The following DYNC2H1 variants were observed in gnomAD, a reference collection of about 807,000 sequenced individuals.
DYNC2H1 encodes dynein cytoplasmic 2 heavy chain 1.
Under a neutral mutation model 570.0 loss-of-function variants are expected in DYNC2H1, and 410 were observed. The ratio of observed to expected loss-of-function variants is 0.72; its 90% confidence interval spans 0.66 to 0.78. DYNC2H1 has a LOEUF of 0.78. Among genes scored for constraint, DYNC2H1 ranks in the 30% least tolerant of loss-of-function variants. The probability of loss-of-function intolerance (pLI) is 0.00; values close to 1 mark genes in which losing one functional copy is unlikely to be tolerated. For missense variants in DYNC2H1, 4,865 were observed against 5,046.4 expected (o/e 0.96, Z 1.09); for synonymous variants, 1,688 against 1,677.6 (o/e 1.01, Z -0.15).
chr11:103,204,260 G>T lies in DYNC2H1; in HGVS notation c.8311+484G>T, dbSNP rs1363491875. On this transcript the variant is annotated intron_variant, in intron 51 of 88. Transcript: ENST00000375735. This position sits in a 1 kb window ranked among gnomAD's most constrained non-coding sequence, Gnocchi z 4.1. Reference sequence around the variant, plus strand: ...ACCAGGTTCCTCCCGCAACACGTGGGGATTATGGGAGCTACAAAATGAGAT... The same window carrying T: ...ACCAGGTTCCTCCCGCAACACGTGGTGATTATGGGAGCTACAAAATGAGAT... 6.6e-6 allele frequency among the ~76,000 whole-genome samples: 1 copy of T among 152,084 alleles called. No homozygotes were observed. Among genetic ancestry groups the T allele is most frequent in the African/African-American group, 2.4e-5 (1 of 41,410 alleles).
chr11:103,130,888 G>A (rs1859234363), intron 13 of DYNC2H1, among the ~76,000 whole-genome samples: 2 of 152,138 alleles, frequency 1.3e-5, no homozygotes, highest in South Asian at 4.1e-4. Context: ...AACTAGCATA[G>A]GTGTAGAGAG....
In DYNC2H1 at chr11:103,304,603, G is replaced by T; in HGVS notation, c.11265G>T (p.Met3755Ile). 1 of 1,609,562 alleles carries T rather than the reference G, an allele frequency of 6.2e-7. No individual in the cohort carries two copies. The highest frequency in any genetic ancestry group is 8.5e-7 in the Non-Finnish European group (1 of 1,177,390). The change falls in exon 77 of 89, where the codon ATG (methionine) becomes ATT (isoleucine). Residue 3755 changes from methionine to isoleucine, a missense_variant. By Grantham distance (10) the Met-to-Ile change is conservative. Coordinates refer to ENST00000375735, the MANE Select transcript of DYNC2H1 (RefSeq NM_001377.3). ...TTTTTTTGCTTTTGTAGGTTGCCAT[G>T]GGTCAAGGTCAAGCTGATTTAGCAA... Reference protein sequence around the residue: ...RSGECYHQVAMGQGQADLAIQ... With the variant: ...RSGECYHQVAIGQGQADLAIQ...
In DYNC2H1 at chr11:103,316,523, TAAA is replaced by T. The variant is rs760869137; in HGVS notation, c.11650-17_11650-15del. 20 of 1,522,582 alleles carry T rather than the reference TAAA, an allele frequency of 1.3e-5. 1 individual carries two copies. In the South Asian group the frequency reaches 1.6e-4, roughly 12 times the overall value. The allele number at this position is 1,522,582 out of a possible 1,614,324, so 94.3% of individuals were successfully genotyped here. A position where few individuals can be genotyped will look rare whatever the true frequency, so the allele number is the denominator to read the frequency against. ...TTTGACTACTGCTTAGTTGTTTACT[TAAA>T]AAAATTGTTTTTTGACAGGGTTGGA... On this transcript the variant is annotated intron_variant, in intron 79 of 88. Transcript: ENST00000375735.
chr11:103,362,447 TC>T (rs997503260), intron 83 of DYNC2H1, among the ~76,000 whole-genome samples: 14 of 151,716 alleles, frequency 9.2e-5, no homozygotes, highest in Admixed American at 4.6e-4. Flanking sequence ...CATATAGAAT[TC>T]CATTGTTTCA....
At chr11:103,451,045 A>G (rs906204975) in intron 85 of DYNC2H1, among the ~76,000 whole-genome samples, 4 of 152,146 alleles carry the variant, frequency 2.6e-5, no homozygotes, top group African/African-American at 9.7e-5. Flanking sequence ...GTGATATGCC[A>G]TAATTTAATC....
intron 83 of DYNC2H1, among the ~76,000 whole-genome samples, chr11:103,393,810 G>A (rs188076877): frequency 1.3e-5 from 2 of 152,342 alleles, no homozygotes; most frequent in Non-Finnish European, 2.9e-5. Flanking sequence ...AGTCATGGCG[G>A]AAGGCGAGGA....
At position 103,439,570 on chromosome 11, in the gene DYNC2H1, G is replaced by A. The variant is rs1944188254; in HGVS notation, c.12456+3538G>A. Among the ~76,000 whole-genome samples the A allele has an allele frequency of 6.6e-6, 1 of 152,004 alleles. No individual in the cohort carries two copies. The highest frequency in any genetic ancestry group is 2.4e-5 in the African/African-American group (1 of 41,388). On this transcript the variant is annotated intron_variant, in intron 85 of 88. Coordinates refer to ENST00000375735, the MANE Select transcript of DYNC2H1 (RefSeq NM_001377.3). This position sits in a 1 kb window ranked among gnomAD's most constrained non-coding sequence, Gnocchi z 4.1. ...GACTGTTTTAGCTGCAGTATGGAGAGAGTCTTAGTCTACTTTGTGGCAAAA... is the reference window on the plus strand; with the variant it reads ...GACTGTTTTAGCTGCAGTATGGAGAAAGTCTTAGTCTACTTTGTGGCAAAA...
At position 103,393,075 on chromosome 11, in the gene DYNC2H1, G is replaced by T. The variant is rs548879791; in HGVS notation, c.12157-6588G>T. Among the ~76,000 whole-genome samples, 22 of 152,000 alleles carry T rather than the reference G, an allele frequency of 1.4e-4. No homozygotes were observed. The South Asian group carries it at 4.6e-3, about 32-fold the overall frequency. On this transcript the variant is annotated intron_variant, in intron 83 of 88. Coordinates refer to ENST00000375735, the MANE Select transcript of DYNC2H1 (RefSeq NM_001377.3). ...ATTTTTGTGTTTTTAGTAGAGACGG[G>T]GTTTCACCATGTTGGCCAGGCTGCT...
Position 103,241,573 on chromosome 11 carries a change from T to C in DYNC2H1, c.9820-2120T>C. The C allele has an allele frequency of 6.5e-7, 1 of 1,548,524 alleles. No individual in the cohort carries two copies. The highest frequency in any genetic ancestry group is 8.8e-7 in the Non-Finnish European group (1 of 1,131,636). ...GTAAGAACTTTTTAAAAATTTAAAA[T>C]AATTACTTTTGTAGTTAGGCAAAAT... On this transcript the variant is annotated intron_variant, in intron 63 of 88. Transcript: ENST00000375735. This position sits in a 1 kb window ranked among gnomAD's most constrained non-coding sequence, Gnocchi z 5.1.
At chr11:103,417,107 G>A (rs932528463) in intron 84 of DYNC2H1, among the ~76,000 whole-genome samples, 24 of 152,018 alleles carry the variant, frequency 1.6e-4, no homozygotes, top group African/African-American at 5.6e-4. Flanking sequence ...GAATGATGGA[G>A]TCTTTCTTTG....
At chr11:103,328,260 T>C (rs1470944088) in intron 82 of DYNC2H1, among the ~76,000 whole-genome samples, 3 of 152,234 alleles carry the variant, frequency 2.0e-5, no homozygotes, top group Non-Finnish European at 4.4e-5. Context: ...GCTTATTTAC[T>C]TGAGTACTTA....
chr11:103,298,501 A>G (rs1334273662), intron 75 of DYNC2H1, among the ~76,000 whole-genome samples: 3 of 152,148 alleles, frequency 2.0e-5, no homozygotes, highest in African/African-American at 7.2e-5. Flanking sequence ...GGCATTAATT[A>G]AAAACCTCAT....
intron 84 of DYNC2H1, among the ~76,000 whole-genome samples, chr11:103,412,904 C>A (rs1943140803): frequency 6.6e-6 from 1 of 152,146 alleles, no homozygotes; most frequent in African/African-American, 2.4e-5. Context: ...CTTTCCTCTA[C>A]CATGGCCCTC....
rs1443248338 is a variant in DYNC2H1 at position 103,465,806 on chromosome 11, G to A, written c.12649-2783G>A. On this transcript the variant is annotated intron_variant, in intron 87 of 88. Coordinates refer to ENST00000375735, the MANE Select transcript of DYNC2H1 (RefSeq NM_001377.3). The surrounding 1 kb of genome is among the most constrained non-coding windows in gnomAD (Gnocchi z 4.9). ...TTCCTTATATGGTGGTTTCAGTGCA[G>A]CATTTCTAGAAGGCAGAGCCTTTTA... 6.6e-6 allele frequency among the ~76,000 whole-genome samples: 1 copy of A among 152,128 alleles called. No individual in the cohort carries two copies. Among genetic ancestry groups the A allele is most frequent in the East Asian group, 1.9e-4 (1 of 5,192 alleles).
At chr11:103,251,212 A>T (rs1009550788) in intron 65 of DYNC2H1, among the ~76,000 whole-genome samples, 1 of 152,110 alleles carries the variant, frequency 6.6e-6, no homozygotes, top group African/African-American at 2.4e-5. Context: ...TATTAGATGC[A>T]TACATTTTTG....
In DYNC2H1 at chr11:103,446,243, A is replaced by G. The variant is rs557592931; in HGVS notation, c.12457-8943A>G. On this transcript the variant is annotated intron_variant, in intron 85 of 88. Coordinates refer to ENST00000375735, the MANE Select transcript of DYNC2H1 (RefSeq NM_001377.3). The surrounding 1 kb of genome is among the most constrained non-coding windows in gnomAD (Gnocchi z 4.5). ...GCATATCAACATAGTGTTTAAAACC[A>G]TAGGAATGGCCAAGTATCTGGCACT... Among the ~76,000 whole-genome samples the G allele has an allele frequency of 4.4e-4, 67 of 152,326 alleles. No individual in the cohort carries two copies. The highest frequency in any genetic ancestry group is 1.6e-3 in the African/African-American group (65 of 41,570).
chr11:103,250,794 A>G (rs896672037), intron 65 of DYNC2H1, among the ~76,000 whole-genome samples: 3 of 151,240 alleles, frequency 2.0e-5, no homozygotes, highest in Admixed American at 6.6e-5. Flanking sequence ...TTCAACTTAT[A>G]AATTCCTTAG....
rs1037925093 is a variant in DYNC2H1, at chr11:103,395,179, T to C, written c.12157-4484T>C. ...CATTAATCAGTTATGACATTTTAGA[T>C]TGCAAGTAATTGGAAAACTCAGCTC... is the stretch of plus-strand genomic sequence containing the variant. On this transcript the variant is annotated intron_variant, in intron 83 of 88. Coordinates refer to ENST00000375735, the MANE Select transcript of DYNC2H1 (RefSeq NM_001377.3). The surrounding 1 kb of genome is among the most constrained non-coding windows in gnomAD (Gnocchi z 4.3). Among the ~76,000 whole-genome samples, 4 of 152,104 alleles carry C rather than the reference T, an allele frequency of 2.6e-5. No homozygotes were observed. Among genetic ancestry groups the C allele is most frequent in the African/African-American group, 7.2e-5 (3 of 41,424 alleles).
intron 46 of DYNC2H1, among the ~76,000 whole-genome samples, 171 bp downstream of exon 46, chr11:103,191,790 G>A (rs1862325690): frequency 6.6e-6 from 1 of 151,660 alleles, no homozygotes; most frequent in Non-Finnish European, 1.5e-5. Flanking sequence ...GTGTATGATT[G>A]TCACTATTAA....
Sources: allele counts gnomAD v4.1 joint callset (sites outside exome capture counted in the v4.1 genomes callset), GRCh38; gene constraint gnomAD v4.1.1; non-coding constraint Gnocchi (gnomAD v3.1); transcripts MANE v1.5; gene names NCBI Gene and HGNC (gene_info 2026-07-23, HGNC 2026-07-21).